The following KPNA6 variants were observed in gnomAD, a reference collection of about 807,000 sequenced individuals.
KPNA6 encodes karyopherin subunit alpha 6.
In KPNA6, 9 loss-of-function variants were observed where a neutral mutation model predicts 72.0. The ratio of observed to expected loss-of-function variants is 0.13; its 90% CI spans 0.08 to 0.22. The LOEUF (loss-of-function observed/expected upper bound fraction) is 0.22. Among genes scored for constraint, KPNA6 ranks in the 10% least tolerant of loss-of-function variants. KPNA6 has a pLI of 1.00. For missense variants in KPNA6, 374 were observed against 655.7 expected, an observed-to-expected ratio of 0.57 and a Z score of 4.69; for synonymous variants, 219 against 242.1, an observed-to-expected ratio of 0.90 and a Z score of 0.89.
intron 1 of KPNA6, among the ~76,000 whole-genome samples, chr1:32,116,039 C>G (rs1018288836): frequency 6.6e-6 from 1 of 152,054 alleles, no homozygotes; most frequent in African/African-American, 2.4e-5. Flanking sequence ...CCACTGCGCT[C>G]GGCTCCTTAA....
chr1:32,118,184 A>G (rs1319329706), intron 1 of KPNA6, among the ~76,000 whole-genome samples: 2 of 152,026 alleles, frequency 1.3e-5, no homozygotes, highest in Non-Finnish European at 2.9e-5. Flanking sequence ...TCAGCCTCCC[A>G]AAGTGCTGAG....
intron 4 of KPNA6, 72 bp downstream of exon 4, chr1:32,157,517 C>T (rs1394896777): frequency 9.3e-7 from 1 of 1,073,808 alleles, no homozygotes; most frequent in Non-Finnish European, 1.4e-6. Context: ...ATGTCATCAA[C>T]TTACACGTGC....
At chr1:32,110,847 A>C (rs1641233684) in intron 1 of KPNA6, among the ~76,000 whole-genome samples, 2 of 152,240 alleles carry the variant, frequency 1.3e-5, no homozygotes, top group South Asian at 4.1e-4. Flanking sequence ...CAGTGAGCCG[A>C]GATCATGCCA....
chr1:32,153,746 G>A (rs1450326332), intron 1 of KPNA6, among the ~76,000 whole-genome samples: 2 of 152,178 alleles, frequency 1.3e-5, no homozygotes, highest in East Asian at 3.8e-4. Flanking sequence ...ATTGTCAAAA[G>A]TATTGGTCAA....
rs763659838 is a variant in KPNA6 at position 32,154,639 on chromosome 1, A to C, written c.56A>C (p.Asn19Thr). 13 of 1,614,036 alleles carry C rather than the reference A, an allele frequency of 8.1e-6. No individual in the cohort carries two copies. The highest frequency in any genetic ancestry group is 1.0e-5 in the Non-Finnish European group (12 of 1,179,908). The change falls in exon 2 of 14, where the codon AAC becomes ACC. Residue 19 changes from asparagine (N) to threonine (T), a missense_variant. Around this residue, in one of 3 missense-constraint regions of KPNA6, gnomAD observed 298 missense variants for 495.4 expected, o/e 0.60. Coordinates refer to ENST00000373625, the MANE Select transcript of KPNA6 (RefSeq NM_012316.5). ...AATTATCGAATGAAGAGCTATAAGAACAATGCTCTAAACCCTGAAGAAATG... is the reference window on the plus strand; with the variant it reads ...AATTATCGAATGAAGAGCTATAAGACCAATGCTCTAAACCCTGAAGAAATG... ...KDNYRMKSYK[N>T]NALNPEEMRR...
intron 1 of KPNA6, among the ~76,000 whole-genome samples, chr1:32,121,013 A>G (rs1164323440): frequency 6.6e-6 from 1 of 151,956 alleles, no homozygotes; most frequent in Non-Finnish European, 1.5e-5. Flanking sequence ...AGTAACTGAG[A>G]TTACAGGCAT....
intron 1 of KPNA6, among the ~76,000 whole-genome samples, chr1:32,140,902 T>TG (rs1641825176): frequency 6.6e-6 from 1 of 152,248 alleles, no homozygotes; most frequent in Non-Finnish European, 1.5e-5. Flanking sequence ...ATGGCATCTT[T>TG]GGTAAGAAAC....
intron 7 of KPNA6, among the ~76,000 whole-genome samples, chr1:32,161,322 T>G (rs1316352304): frequency 6.6e-6 from 1 of 152,128 alleles, no homozygotes; most frequent in Admixed American, 6.5e-5. Context: ...CAAAATGCAT[T>G]GATTTGTTAT....
At chr1:32,159,872 C>T (rs1481729158) in intron 6 of KPNA6, among the ~76,000 whole-genome samples, 1 of 152,188 alleles carries the variant, frequency 6.6e-6, no homozygotes, top group Non-Finnish European at 1.5e-5. Context: ...CACCACAGTA[C>T]CCATATCTGA....
rs60616241 is a variant in KPNA6 at position 32,173,173 on chromosome 1, TAAAAAAAAAA to T, written c.*2291_*2300del. On this transcript the variant is annotated 3_prime_UTR_variant, in exon 14 of 14. Transcript: ENST00000373625. Reference sequence around the variant, plus strand: ...ATTAAAAAACCATTCTCTTACAGTTTAAAAAAAAAAAAAAAAAAAAAGCCTTCCCCTACCC... The same window carrying T: ...ATTAAAAAACCATTCTCTTACAGTTTAAAAAAAAAAAGCCTTCCCCTACCC... 5 of 320,148 alleles carry T rather than the reference TAAAAAAAAAA, an allele frequency of 1.6e-5. 1 individual carries two copies. Among genetic ancestry groups the T allele is most frequent in the East Asian group, 8.5e-5 (2 of 23,634 alleles). 19.8% of individuals were successfully genotyped at this position (320,148 alleles called of 1,614,324 possible).
At chr1:32,170,178 T>C (rs1642411159) in intron 13 of KPNA6, 118 bp downstream of exon 13, 2 of 850,792 alleles carry the variant, frequency 2.4e-6, no homozygotes, top group African/African-American at 3.4e-5. Flanking sequence ...TCCATGAGAC[T>C]GATGTCTGTG....
intron 1 of KPNA6, among the ~76,000 whole-genome samples, chr1:32,119,030 ATAT>A (rs1337852980): frequency 7.1e-5 from 4 of 56,516 alleles, no homozygotes; most frequent in East Asian, 5.9e-4. Context: ...ATATATATAT[ATAT>A]TTTTTTTTTT....
intron 12 of KPNA6, among the ~76,000 whole-genome samples, chr1:32,168,729 C>T (rs531602746): frequency 5.0e-4 from 76 of 152,256 alleles, no homozygotes; most frequent in African/African-American, 1.8e-3. Context: ...GAGACCTTTA[C>T]AAGTGTGACT....
At chr1:32,135,326 C>G (rs1395384384) in intron 1 of KPNA6, among the ~76,000 whole-genome samples, 1 of 152,056 alleles carries the variant, frequency 6.6e-6, no homozygotes, top group Non-Finnish European at 1.5e-5. Context: ...CTCAGCCTCC[C>G]AAAGTTCTGG....
intron 1 of KPNA6, among the ~76,000 whole-genome samples, chr1:32,144,953 T>A (rs1380744946): frequency 6.9e-6 from 1 of 145,572 alleles, no homozygotes; most frequent in African/African-American, 2.6e-5. Context: ...GCCTAAAACT[T>A]TTTTTTTTTT....
At chr1:32,120,348 G>C (rs773934721) in intron 1 of KPNA6, among the ~76,000 whole-genome samples, 1 of 150,204 alleles carries the variant, frequency 6.7e-6, no homozygotes, top group African/African-American at 2.5e-5. Context: ...TGGTTCAAGC[G>C]ATTCTCCTGC....
rs562921793 is a variant in KPNA6, at chr1:32,165,910, A to C, written c.991-195A>C. ...CGTCTTGGGAGGCTGAGGCTGGAGA[A>C]TCACTTGAACCTGGGAGGCGGAGGT... On this transcript the variant is annotated intron_variant, in intron 10 of 13. Transcript: ENST00000373625. Among the ~76,000 whole-genome samples the C allele has an allele frequency of 1.7e-3, 259 of 151,944 alleles. 3 individuals are homozygous for C. The highest frequency in any genetic ancestry group is 6.0e-3 in the African/African-American group (248 of 41,474).
At chr1:32,153,204 A>T (rs1456055086) in intron 1 of KPNA6, among the ~76,000 whole-genome samples, 5 of 152,150 alleles carry the variant, frequency 3.3e-5, no homozygotes, top group Admixed American at 3.3e-4. Flanking sequence ...TCTCAGGAAC[A>T]AAAGAGGGCA....
intron 1 of KPNA6, among the ~76,000 whole-genome samples, chr1:32,117,054 A>G (rs1197552051): frequency 6.6e-6 from 1 of 152,240 alleles, no homozygotes; most frequent in East Asian, 1.9e-4. Context: ...ACAAAAAACA[A>G]AAGTTTGAAA....
Sources: gnomAD v4.1 joint callset for allele counts (sites outside exome capture counted in the v4.1 genomes callset) on GRCh38, gnomAD v4.1.1 for gene constraint, gnomAD v4.1.1 regional missense constraint, MANE v1.5 for transcripts, NCBI Gene and HGNC (gene_info 2026-07-23, HGNC 2026-07-21) for gene names.